GRIN2B: variants seen among roughly 807,000 people sequenced by gnomAD.
GRIN2B encodes glutamate receptor ionotropic, NMDA 2B.
In GRIN2B, 5 loss-of-function variants were observed where a neutral mutation model predicts 114.5. The observed-to-expected ratio is 0.04, with a 90% CI of 0.02 to 0.09. The LOEUF (loss-of-function observed/expected upper bound fraction) is 0.09, where lower values mean the gene tolerates loss of function less well. GRIN2B is among the 10% of genes least tolerant of loss of function. The probability of loss-of-function intolerance (pLI) is 1.00; values close to 1 mark genes in which losing one functional copy is unlikely to be tolerated. For synonymous variants in GRIN2B, 787 were observed against 745.1 expected (o/e 1.06, Z -0.92); for missense variants, 1,108 against 1,943.5 (o/e 0.57, Z 8.08).
rs373952811 is a variant in GRIN2B at position 13,709,812 on chromosome 12, A to G, written c.1011-33953T>C. ...ACATTCCCACTGTTGACAAACATTC[A>G]TATATTTCTGGTGAGAAAGTAAAAT... is the stretch of plus-strand genomic sequence containing the variant. On this transcript the variant is annotated intron_variant, in intron 4 of 13. Transcript: ENST00000609686. Among the ~76,000 whole-genome samples, 66 of 152,164 alleles carry G rather than the reference A, an allele frequency of 4.3e-4. 2 individuals are homozygous for G. The highest frequency in any genetic ancestry group is 1.6e-3 in the African/African-American group (65 of 41,540).
At chr12:13,891,703 A>C (rs1286279869) in intron 2 of GRIN2B, among the ~76,000 whole-genome samples, 1 of 152,180 alleles carries the variant, frequency 6.6e-6, no homozygotes, top group Admixed American at 6.5e-5. Flanking sequence ...TGGCAACTGC[A>C]AAATTGAATC....
intron 4 of GRIN2B, among the ~76,000 whole-genome samples, chr12:13,715,150 A>C (rs1950444504): frequency 6.6e-6 from 1 of 151,908 alleles, no homozygotes; most frequent in Admixed American, 6.6e-5. Context: ...GTTCGCTAAC[A>C]AGATGAAGCC....
chr12:13,951,847 A>T (rs717700), intron 2 of GRIN2B, among the ~76,000 whole-genome samples: 15,559 of 152,202 alleles, frequency 0.1, 1,577 homozygotes, highest in East Asian at 0.41. Flanking sequence ...TCTGTAAGGG[A>T]ATTCACAGGA....
In GRIN2B at chr12:13,567,062, C is replaced by A. The variant is rs758762096; in HGVS notation, c.2561G>T (p.Cys854Phe). 10 of 1,614,088 alleles carry A rather than the reference C, an allele frequency of 6.2e-6. No individual in the cohort carries two copies. The highest frequency in any genetic ancestry group is 5.0e-5 in the Admixed American group (3 of 60,032). ...GAAGACCATGCCAGGCTTGCCAGAA[C>A]AGACACCCATAAAGCAATGTCGGAA... is the stretch of plus-strand genomic sequence containing the variant. ...WQFRHCFMGVCSGKPGMVFSI... is the reference protein window; with the variant it reads ...WQFRHCFMGVFSGKPGMVFSI... Residue 854 changes from cysteine (C) to phenylalanine (F), a missense_variant, in exon 13 of 14, where the codon TGT becomes TTT. Around this residue, in one of 19 missense-constraint regions of GRIN2B, gnomAD observed 30 missense variants for 35.9 expected, o/e 0.84. Coordinates refer to ENST00000609686, the MANE Select transcript of GRIN2B (RefSeq NM_000834.5).
chr12:13,809,005 G>A (rs1447034929), intron 3 of GRIN2B, among the ~76,000 whole-genome samples: 1 of 152,062 alleles, frequency 6.6e-6, no homozygotes, highest in African/African-American at 2.4e-5. Flanking sequence ...GTACAGTGGA[G>A]GTGTAACAGA....
At chr12:13,653,417 G>T (rs1726421437) in intron 5 of GRIN2B, among the ~76,000 whole-genome samples, 1 of 152,056 alleles carries the variant, frequency 6.6e-6, no homozygotes, top group Non-Finnish European at 1.5e-5. Flanking sequence ...CTTTTAGACA[G>T]GCATTTTTCA....
At chr12:13,676,439 T>C (rs1443093834) in intron 4 of GRIN2B, among the ~76,000 whole-genome samples, 3 of 152,274 alleles carry the variant, frequency 2.0e-5, no homozygotes, top group African/African-American at 7.2e-5. Context: ...TGAGCCTCTG[T>C]GTTTTTCCCT....
At chr12:13,754,614 T>C (rs1863546327) in intron 3 of GRIN2B, among the ~76,000 whole-genome samples, 1 of 152,222 alleles carries the variant, frequency 6.6e-6, no homozygotes, top group African/African-American at 2.4e-5. Flanking sequence ...TCACATTTAG[T>C]TTGCTCTCTA....
chr12:13,809,902 C>T (rs1864694374), intron 3 of GRIN2B, among the ~76,000 whole-genome samples: 1 of 152,186 alleles, frequency 6.6e-6, no homozygotes, highest in Non-Finnish European at 1.5e-5. Flanking sequence ...TGTTAGGCTG[C>T]TCTGTGGGAT....
chr12:13,611,658 G>A (rs1045230787), intron 9 of GRIN2B, 67 bp downstream of exon 9: 3 of 1,462,032 alleles, frequency 2.1e-6, no homozygotes, highest in African/African-American at 2.8e-5. Flanking sequence ...TAACAAATGA[G>A]GAGTCCAGAG....
chr12:13,684,055 A>G (rs551417177), intron 4 of GRIN2B, among the ~76,000 whole-genome samples: 1 of 151,968 alleles, frequency 6.6e-6, no homozygotes, highest in South Asian at 2.1e-4. Flanking sequence ...ATTCTCTCTC[A>G]TTCCTATAAC....
At chr12:13,598,960 G>A (rs1949113392) in intron 10 of GRIN2B, among the ~76,000 whole-genome samples, 1 of 152,144 alleles carries the variant, frequency 6.6e-6, no homozygotes, top group Non-Finnish European at 1.5e-5. Flanking sequence ...CTGGAGTGAT[G>A]GCTGACAATC....
intron 3 of GRIN2B, among the ~76,000 whole-genome samples, chr12:13,789,989 C>T (rs766162133): frequency 1.3e-5 from 2 of 152,162 alleles, no homozygotes; most frequent in Non-Finnish European, 2.9e-5. Context: ...TTGAAAGCAT[C>T]CTTACTCTTC....
At chr12:13,789,580 A>C (rs113503442) in intron 3 of GRIN2B, among the ~76,000 whole-genome samples, 3,200 of 152,278 alleles carry the variant, frequency 0.021, 132 homozygotes, top group African/African-American at 0.073. Flanking sequence ...GAAATTATCT[A>C]AGCACTACTA....
intron 10 of GRIN2B, among the ~76,000 whole-genome samples, chr12:13,573,126 A>ATGT (rs1165867241): frequency 6.7e-6 from 1 of 149,354 alleles, no homozygotes; most frequent in Non-Finnish European, 1.5e-5. Context: ...ATTTTCAAGA[A>ATGT]TGTTGTGAGG....
At chr12:13,751,655 G>A (rs370190847) in intron 4 of GRIN2B, among the ~76,000 whole-genome samples, 23 of 152,148 alleles carry the variant, frequency 1.5e-4, no homozygotes, top group African/African-American at 5.1e-4. Context: ...AGTGGGAGAA[G>A]AGATAGAAGT....
At chr12:13,966,516 T>C (rs548465608) in intron 2 of GRIN2B, among the ~76,000 whole-genome samples, 1 of 152,324 alleles carries the variant, frequency 6.6e-6, no homozygotes, top group East Asian at 1.9e-4. Context: ...AAATTCATGT[T>C]CTCTAAATAT....
chr12:13,916,737 TTGTGTG>T (rs57501769), intron 2 of GRIN2B, among the ~76,000 whole-genome samples: 1 of 139,900 alleles, frequency 7.1e-6, no homozygotes, highest in Non-Finnish European at 1.5e-5. Context: ...ACACACACAT[TTGTGTG>T]TGTGTGTGTG....
chr12:13,576,452 G>C (rs890805244), intron 10 of GRIN2B, among the ~76,000 whole-genome samples: 1 of 152,118 alleles, frequency 6.6e-6, no homozygotes, highest in Non-Finnish European at 1.5e-5. Flanking sequence ...AAATTTAAAA[G>C]CCTAATATAT....
Sources: allele counts gnomAD v4.1 joint callset (sites outside exome capture counted in the v4.1 genomes callset), GRCh38; gene constraint gnomAD v4.1.1; regional missense constraint gnomAD v4.1.1; transcripts MANE v1.5; gene names NCBI Gene and HGNC (gene_info 2026-07-23, HGNC 2026-07-21).